Variants in PEPD observed in about 807,000 individuals in gnomAD.
The protein encoded by PEPD is xaa-Pro dipeptidase.
A neutral mutation model predicts 60.7 loss-of-function variants in PEPD; 53 were observed. The observed-to-expected ratio is 0.87, with a 90% CI of 0.70 to 1.10. The LOEUF (loss-of-function observed/expected upper bound fraction) is 1.10, where lower values mean the gene tolerates loss of function less well. Ranked by LOEUF, PEPD falls within the 50% of genes least tolerant of loss-of-function variation. The probability of loss-of-function intolerance (pLI) is 0.00; values close to 1 mark genes in which losing one functional copy is unlikely to be tolerated. For synonymous variants in PEPD, 267 were observed against 284.1 expected, an observed-to-expected ratio of 0.94 and a Z score of 0.60; for missense variants, 711 against 711.9, an observed-to-expected ratio of 1.00 and a Z score of 0.01.
Position 33,512,642 on chromosome 19 carries a change from C to T in PEPD, c.152G>A (p.Gly51Glu), listed in dbSNP as rs199892951. 582 of 1,613,846 alleles carry T rather than the reference C, an allele frequency of 3.6e-4. No homozygotes were observed. Among genetic ancestry groups the T allele is most frequent in the Non-Finnish European group, 4.7e-4 (554 of 1,179,978 alleles). Residue 51 changes from glycine (G) to glutamate (E), a missense_variant, in exon 2 of 15, where the codon GGG becomes GAG. Gly to Glu is a moderately conservative substitution (Grantham distance 98). Transcript: ENST00000244137. ...GGTGCAGTAGCGCTGAGTCTCCTCC[C>T]CGCCCTGCAGGACCACGATGGAGCC... is the stretch of plus-strand genomic sequence containing the variant. ...QAGSIVVLQG[G>E]EETQRYCTDT...
chr19:33,395,640 C>T (rs1968342507), intron 12 of PEPD, among the ~76,000 whole-genome samples: 2 of 152,318 alleles, frequency 1.3e-5, no homozygotes, highest in South Asian at 4.1e-4. Flanking sequence ...CAGGCCAGCT[C>T]CTTGGAGCCT....
chr19:33,464,754 G>A (rs1197534024), intron 7 of PEPD, among the ~76,000 whole-genome samples: 8 of 152,150 alleles, frequency 5.3e-5, no homozygotes. Context: ...CTGGACTCCT[G>A]AGGCTTCCAG....
intron 11 of PEPD, among the ~76,000 whole-genome samples, chr19:33,411,013 C>T (rs1968753287): frequency 1.3e-5 from 2 of 152,236 alleles, no homozygotes; most frequent in South Asian, 2.1e-4. Flanking sequence ...CTGCCCTGCA[C>T]ACCGAGGGGC....
intron 14 of PEPD, 134 bp downstream of exon 14, chr19:33,387,756 C>A: frequency 1.2e-6 from 1 of 833,444 alleles, no homozygotes; most frequent in Non-Finnish European, 2.0e-6. Context: ...TGTGACAGAC[C>A]ACACGAAGGG....
intron 3 of PEPD, among the ~76,000 whole-genome samples, chr19:33,506,543 C>G (rs1434251650): frequency 1.3e-5 from 2 of 150,268 alleles, no homozygotes; most frequent in African/African-American, 4.9e-5. Context: ...ACACCACACA[C>G]ACAGCACACA....
chr19:33,401,836 G>A lies in PEPD; in HGVS notation c.852C>T (p.Phe284=), dbSNP rs764699532. Residue 284 remains phenylalanine (F), a synonymous_variant, in exon 12 of 15, where the codon TTC becomes TTT. Coordinates refer to ENST00000244137, the MANE Select transcript of PEPD (RefSeq NM_000285.4). ...GAAAGGAGCAGGTGATGTCGGAAGC[G>A]AAGCAGTAATACTCACCGCCCATGT... ...LFDMGGEYYC[F]ASDITCSFPA... The A allele has an allele frequency of 1.4e-5, 23 of 1,613,154 alleles. No individual in the cohort carries two copies. Among genetic ancestry groups the A allele is most frequent in the Non-Finnish European group, 1.7e-5 (20 of 1,179,960 alleles).
At chr19:33,444,590 A>C (rs933925212) in intron 9 of PEPD, among the ~76,000 whole-genome samples, 4 of 140,860 alleles carry the variant, frequency 2.8e-5, no homozygotes, top group Non-Finnish European at 6.1e-5. Flanking sequence ...CTTCACCTCC[A>C]AACTCACCCT....
At chr19:33,514,930 T>G (rs1449886140) in intron 1 of PEPD, among the ~76,000 whole-genome samples, 1 of 152,006 alleles carries the variant, frequency 6.6e-6, no homozygotes, top group African/African-American at 2.4e-5. Context: ...CTCTCAACTC[T>G]CCTTAGTGGC....
chr19:33,406,688 G>A (rs1190806699), intron 11 of PEPD, among the ~76,000 whole-genome samples: 4 of 152,196 alleles, frequency 2.6e-5, no homozygotes, highest in Admixed American at 6.5e-5. Flanking sequence ...CATGGGGTCC[G>A]CAGCGCGATG....
rs1209174891 is a variant in PEPD at position 33,521,774 on chromosome 19, C to G, written c.-14G>C. On this transcript the variant is annotated 5_prime_UTR_variant, in exon 1 of 15. Coordinates refer to ENST00000244137, the MANE Select transcript of PEPD (RefSeq NM_000285.4). Reference sequence around the variant, plus strand: ...GGCCGCCGCCATGTTCGCCCGGCACCGGCGTCACGTGAAGTGCGGCGTCAG... The same window carrying G: ...GGCCGCCGCCATGTTCGCCCGGCACGGGCGTCACGTGAAGTGCGGCGTCAG... 29 of 1,527,784 alleles carry G rather than the reference C, an allele frequency of 1.9e-5. No individual in the cohort carries two copies. Among genetic ancestry groups the G allele is most frequent in the Non-Finnish European group, 2.5e-5 (28 of 1,136,228 alleles). The allele number at this position is 1,527,784 out of a possible 1,614,324, so 94.6% of individuals were successfully genotyped here. A position where few individuals can be genotyped will look rare whatever the true frequency, so the allele number is the denominator to read the frequency against.
Position 33,405,096 on chromosome 19 carries a change from G to T in PEPD, c.819-3227C>A, listed in dbSNP as rs1172837141. Among the ~76,000 whole-genome samples the T allele has an allele frequency of 2.6e-5, 4 of 152,224 alleles. No homozygotes were observed. In the South Asian group the frequency reaches 8.3e-4, roughly 32 times the overall value. The stretch of plus-strand genomic sequence containing the variant: ...ATAATACAAGACATCTGGGAGACAG[G>T]ATGCATCTCCAAACAACGTGCTGGC... On this transcript the variant is annotated intron_variant, in intron 11 of 14. Transcript: ENST00000244137.
intron 8 of PEPD, 40 bp downstream of exon 8, chr19:33,463,947 A>G: frequency 7.2e-7 from 1 of 1,385,280 alleles, no homozygotes; most frequent in South Asian, 1.2e-5. Context: ...ACACAGCAAC[A>G]CTGCTTTCCC....
At chr19:33,457,732 G>A (rs1171429871) in intron 9 of PEPD, among the ~76,000 whole-genome samples, 2 of 152,186 alleles carry the variant, frequency 1.3e-5, no homozygotes, top group Non-Finnish European at 2.9e-5. Context: ...GGATGGTCTC[G>A]ATCTCCTGAC....
At chr19:33,499,744 G>T (rs73594033) in intron 4 of PEPD, among the ~76,000 whole-genome samples, 159 of 152,336 alleles carry the variant, frequency 1.0e-3, no homozygotes, top group African/African-American at 3.5e-3. Flanking sequence ...GAAAGACAGA[G>T]AAATGGAAAA....
At chr19:33,420,146 T>G (rs1245286834) in intron 9 of PEPD, among the ~76,000 whole-genome samples, 2 of 152,230 alleles carry the variant, frequency 1.3e-5, no homozygotes, top group African/African-American at 4.8e-5. Flanking sequence ...CTTGATTAGG[T>G]TGAGTTTCGG....
intron 3 of PEPD, among the ~76,000 whole-genome samples, chr19:33,508,269 A>C (rs965919083): frequency 1.5e-4 from 23 of 152,160 alleles, no homozygotes; most frequent in Admixed American, 1.4e-3. Context: ...CCCGGAGCCA[A>C]GGGTACCCTG....
At chr19:33,405,069 T>C (rs1968589459) in intron 11 of PEPD, among the ~76,000 whole-genome samples, 1 of 152,218 alleles carries the variant, frequency 6.6e-6, no homozygotes, top group Non-Finnish European at 1.5e-5. Context: ...AGTGAGTCGA[T>C]GATAATACAA....
At chr19:33,406,064 G>A (rs1007034690) in intron 11 of PEPD, among the ~76,000 whole-genome samples, 2 of 152,236 alleles carry the variant, frequency 1.3e-5, no homozygotes, top group Admixed American at 6.5e-5. Flanking sequence ...GGGGTGCCTC[G>A]TCCAGAGGTG....
chr19:33,423,851 CCTTT>C (rs1969087698), intron 9 of PEPD, among the ~76,000 whole-genome samples: 1 of 152,108 alleles, frequency 6.6e-6, no homozygotes. Context: ...ATGGCTTCTT[CCTTT>C]AAGAAGTCGT....
Sources: gnomAD v4.1 joint callset for allele counts (sites outside exome capture counted in the v4.1 genomes callset) on GRCh38, gnomAD v4.1.1 for gene constraint, MANE v1.5 for transcripts, NCBI Gene and HGNC (gene_info 2026-07-23, HGNC 2026-07-21) for gene names.